BDNF: variants seen among roughly 807,000 people sequenced by gnomAD.
BDNF encodes brain derived neurotrophic factor, also known as neurotrophic factor BDNF precursor form.
In BDNF, 1 loss-of-function variant was observed where a neutral mutation model predicts 19.5. The observed-to-expected ratio is 0.05, with a 90% CI of 0.02 to 0.24. BDNF has a LOEUF of 0.24. Among genes scored for constraint, BDNF ranks in the 10% least tolerant of loss-of-function variants. BDNF has a pLI of 1.00. For synonymous variants in BDNF, 100 were observed against 121.6 expected (o/e 0.82, Z 1.17); for missense variants, 195 against 317.6 (o/e 0.61, Z 2.93).
In BDNF at chr11:27,663,130, G is replaced by A. The variant is rs376269055; in HGVS notation, c.-21-4545C>T. Among the ~76,000 whole-genome samples the A allele has an allele frequency of 7.0e-4, 107 of 152,266 alleles. 5 individuals are homozygous for A. The South Asian group carries it at 0.022, about 31-fold the overall frequency. ...CTTTCAATGAGTAATTTTATATACT[G>A]TATTAGGAAATAATAAAAGATTAAG... On this transcript the variant is annotated intron_variant, in intron 1 of 1. Transcript: ENST00000356660.
rs1590464598 is a variant in BDNF, at chr11:27,700,451, GCT to G, written c.-311_-310del. The G allele has an allele frequency of 1.2e-5, 12 of 984,228 alleles. No individual in the cohort carries two copies. In the East Asian group the frequency reaches 1.4e-3, roughly 113 times the overall value. The allele number at this position is 984,228 out of a possible 1,614,324, so 61.0% of individuals were successfully genotyped here. A position where few individuals can be genotyped will look rare whatever the true frequency, so the allele number is the denominator to read the frequency against. ...CAGCGTCGGGGACCCGGAGCTCCAG[GCT>G]GCGCCTTGCGCCCGGGTCAGACATT... On this transcript the variant is annotated 5_prime_UTR_variant, in exon 1 of 2. Transcript: ENST00000356660.
intron 1 of BDNF, chr11:27,697,730 T>TATAC (rs1302128909): frequency 1.3e-5 from 2 of 152,208 alleles, no homozygotes; most frequent in African/African-American, 4.8e-5. Context: ...GTTGACCTAC[T>TATAC]ATACATGTTA....
At position 27,658,606 on chromosome 11, in the gene BDNF, CAA is replaced by C. The variant is rs1564941356; in HGVS notation, c.-21-23_-21-22del. On this transcript the variant is annotated intron_variant, in intron 1 of 1. Coordinates refer to ENST00000356660, the MANE Select transcript of BDNF (RefSeq NM_001709.5). The surrounding 1 kb of genome is among the most constrained non-coding windows in gnomAD (Gnocchi z 5.7). ...TGGAACTGTAGGGAGAAAGCAGAAA[CAA>C]GACAGAAAACTGGTTAGGGCTTTCT... is the stretch of plus-strand genomic sequence containing the variant. 2.5e-6 allele frequency: 4 copies of C among 1,614,048 alleles called. No individual in the cohort carries two copies. Among genetic ancestry groups the C allele is most frequent in the Non-Finnish European group, 3.4e-6 (4 of 1,180,046 alleles).
intron 1 of BDNF, among the ~76,000 whole-genome samples, chr11:27,710,627 C>T (rs902873944): frequency 6.6e-6 from 1 of 152,214 alleles, no homozygotes; most frequent in Non-Finnish European, 1.5e-5. Flanking sequence ...TTAGACTGTG[C>T]TTGTCCATCC....
upstream of BDNF, among the ~76,000 whole-genome samples, chr11:27,703,844 A>G (rs146677876): frequency 1.5e-4 from 23 of 152,338 alleles, no homozygotes; most frequent in East Asian, 4.4e-3. Context: ...TAGCATTGCC[A>G]ATACTGTATG....
upstream of BDNF, chr11:27,700,840 G>T (rs572331316): frequency 8.3e-5 from 103 of 1,240,358 alleles, no homozygotes; most frequent in East Asian, 4.4e-3. Flanking sequence ...GGGCGCTGGG[G>T]CGGGAGGGAG....
rs562911590 is a variant in BDNF, at chr11:27,659,662, T to C, written c.-21-1077A>G. ...GTGTGTGTGTGTGCGCGCGCGCGTG[T>C]GCGCGCGCTCTGAGTTTATCCTACT... On this transcript the variant is annotated intron_variant, in intron 1 of 1. Transcript: ENST00000356660. The C allele has an allele frequency of 7.7e-5, 75 of 973,488 alleles. No individual in the cohort carries two copies. In the South Asian group the frequency reaches 1.5e-3, roughly 19 times the overall value. 60.3% of individuals were successfully genotyped at this position (973,488 alleles called of 1,614,324 possible). A position where few individuals can be genotyped will look rare whatever the true frequency, so the allele number is the denominator to read the frequency against.
At chr11:27,704,591 TA>T, upstream of BDNF, among the ~76,000 whole-genome samples, 1 of 152,178 alleles carries the variant, frequency 6.6e-6, no homozygotes, top group East Asian at 1.9e-4. Context: ...TAAGTTGGCC[TA>T]AAAAAACTGT....
At chr11:27,717,652 A>C (rs1294183541) in intron 1 of BDNF, among the ~76,000 whole-genome samples, 1 of 152,182 alleles carries the variant, frequency 6.6e-6, no homozygotes, top group Non-Finnish European at 1.5e-5. Flanking sequence ...CTAGGTTAAA[A>C]TTCTCTCTCT....
At chr11:27,670,479 G>A (rs145216856) in intron 1 of BDNF, among the ~76,000 whole-genome samples, 4,493 of 152,068 alleles carry the variant, frequency 0.03, 150 homozygotes, top group African/African-American at 0.077. Context: ...GGAAACCTAC[G>A]GAATGGGAGA....
chr11:27,661,549 G>C (rs1265000458), intron 1 of BDNF, among the ~76,000 whole-genome samples: 1 of 152,038 alleles, frequency 6.6e-6, no homozygotes, highest in Non-Finnish European at 1.5e-5. Context: ...TCCCGATGCT[G>C]TATCAGACAC....
intron 1 of BDNF, chr11:27,696,308 A>G (rs1858986004): frequency 6.6e-6 from 1 of 152,304 alleles, no homozygotes; most frequent in Admixed American, 6.5e-5. Context: ...TAACATACGG[A>G]TTTCATTTGC....
upstream of BDNF, among the ~76,000 whole-genome samples, chr11:27,704,300 T>C (rs1217106901): frequency 1.3e-5 from 2 of 152,246 alleles, no homozygotes; most frequent in Non-Finnish European, 2.9e-5. Flanking sequence ...TGTTCTAATA[T>C]GATCCTAACC....
chr11:27,658,116 G>A lies in BDNF; in HGVS notation c.449C>T (p.Ala150Val), dbSNP rs774229943. ...GTCCACTGCAGTCTTTTTGTCTGCC[G>A]CCGTTACCCACTCACTAATACTGTC... ...VCDSISEWVT[A>V]ADKKTAVDMS... The change falls in exon 2 of 2, where the codon GCG becomes GTG. Residue 150 changes from alanine to valine, a missense_variant. By Grantham distance (64) the Ala-to-Val change is moderately conservative (BLOSUM62 0). This residue lies in a region of BDNF where 71 missense variants were observed against 162.6 expected (regional missense o/e 0.44). Coordinates refer to ENST00000356660, the MANE Select transcript of BDNF (RefSeq NM_001709.5). This position sits in a 1 kb window ranked among gnomAD's most constrained non-coding sequence, Gnocchi z 5.7. The A allele has an allele frequency of 4.3e-6, 7 of 1,614,116 alleles. No homozygotes were observed. Among genetic ancestry groups the A allele is most frequent in the East Asian group, 2.2e-5 (1 of 44,870 alleles).
At chr11:27,674,655 T>A in intron 1 of BDNF, 1 of 985,418 alleles carries the variant, frequency 1.0e-6, no homozygotes, top group Non-Finnish European at 1.2e-6. Flanking sequence ...TGCACCTATA[T>A]GGAAACATTC....
At chr11:27,666,352 CA>C (rs1245502911) in intron 1 of BDNF, among the ~76,000 whole-genome samples, 6 of 152,178 alleles carry the variant, frequency 3.9e-5, no homozygotes, top group Non-Finnish European at 7.3e-5. Flanking sequence ...TTCTAAAAAT[CA>C]GAGCACGTCT....
At chr11:27,701,008 C>T (rs1859865525), upstream of BDNF, 1 of 1,361,650 alleles carries the variant, frequency 7.3e-7, no homozygotes, top group Admixed American at 1.9e-5. Flanking sequence ...CTTGCGAACG[C>T]GAGCACACAA....
At chr11:27,718,354 A>ACCCCCCCCCCCT (rs376255605) in intron 1 of BDNF, among the ~76,000 whole-genome samples, 1 of 101,112 alleles carries the variant, frequency 9.9e-6, no homozygotes, top group Admixed American at 1.1e-4. Context: ...TCCGCACACC[A>ACCCCCCCCCCCT]CCCCCCCCCG....
intron 1 of BDNF, among the ~76,000 whole-genome samples, chr11:27,670,372 C>T (rs1855154740): frequency 6.6e-6 from 1 of 152,138 alleles, no homozygotes; most frequent in Non-Finnish European, 1.5e-5. Flanking sequence ...GACTAAAACA[C>T]CAAAAGCAAT....
Sources: gnomAD v4.1 joint callset for allele counts (sites outside exome capture counted in the v4.1 genomes callset) on GRCh38, gnomAD v4.1.1 for gene constraint, gnomAD v4.1.1 regional missense constraint, Gnocchi (gnomAD v3.1) non-coding constraint, MANE v1.5 for transcripts, NCBI Gene and HGNC (gene_info 2026-07-23, HGNC 2026-07-21) for gene names.